PKIG: variants seen among roughly 807,000 people sequenced by gnomAD.
PKIG encodes protein kinase (cAMP-dependent, catalytic) inhibitor gamma.
PKIG carries 1 observed loss-of-function variant against 6.8 expected under a neutral mutation model. The observed-to-expected ratio is 0.15, with a 90% CI of 0.05 to 0.69. The LOEUF is 0.69. Ranked by LOEUF, PKIG falls within the 30% of genes least tolerant of loss-of-function variation. The pLI is 0.82. For missense variants in PKIG, 77 were observed against 104.0 expected, an observed-to-expected ratio of 0.74 and a Z score of 1.13; for synonymous variants, 39 against 43.0, an observed-to-expected ratio of 0.91 and a Z score of 0.36.
At chr20:44,591,865 G>A (rs1021438400) in intron 2 of PKIG, among the ~76,000 whole-genome samples, 3 of 152,246 alleles carry the variant, frequency 2.0e-5, no homozygotes, top group Non-Finnish European at 4.4e-5. Context: ...ATCCTCAAGC[G>A]CACATTAAGT....
Position 44,614,748 on chromosome 20 carries a change from G to A in PKIG, c.151+41G>A. ...TCCTTGGCACTACTGCATGCCAGAG[G>A]CCCTCTGCCGGGCCCCGGGCTAGCC... On this transcript the variant is annotated intron_variant, in intron 3 of 3. Transcript: ENST00000372886. The surrounding 1 kb of genome is among the most constrained non-coding windows in gnomAD (Gnocchi z 4.6). 1 of 1,607,626 alleles carries A rather than the reference G, an allele frequency of 6.2e-7. No homozygotes were observed. The highest frequency in any genetic ancestry group is 8.5e-7 in the Non-Finnish European group (1 of 1,177,006).
Position 44,608,851 on chromosome 20 carries a change from A to T in PKIG, c.-23-5683A>T, listed in dbSNP as rs577136750. 2.6e-5 allele frequency among the ~76,000 whole-genome samples: 4 copies of T among 151,930 alleles called. No individual in the cohort carries two copies. The East Asian group carries it at 7.7e-4, about 29-fold the overall frequency. On this transcript the variant is annotated intron_variant, in intron 2 of 3. Transcript: ENST00000372886. Reference sequence around the variant, plus strand: ...GAACATCTTTGTACATTTTATCTTCATGTAGATCTTGGATTATTTTCTTAG... The same window carrying T: ...GAACATCTTTGTACATTTTATCTTCTTGTAGATCTTGGATTATTTTCTTAG...
At chr20:44,578,085 A>C (rs1288793908), upstream of PKIG, among the ~76,000 whole-genome samples, 5 of 152,010 alleles carry the variant, frequency 3.3e-5, no homozygotes, top group African/African-American at 1.2e-4. Context: ...TCATGCCTGT[A>C]ATCCCAGCAC....
intron 1 of PKIG, among the ~76,000 whole-genome samples, chr20:44,536,899 T>C (rs921889887): frequency 6.6e-6 from 1 of 152,198 alleles, no homozygotes; most frequent in Non-Finnish European, 1.5e-5. Context: ...TTTTAAACAA[T>C]GTTTTAGTGT....
chr20:44,618,500 A>G lies in PKIG; in HGVS notation c.*136A>G, dbSNP rs1043777316. ...CCAGGCCAGACTGAGAAGGCTCCCC[A>G]GAGGCCTCTGTGGCCTCCACTCCGG... On this transcript the variant is annotated 3_prime_UTR_variant, in exon 4 of 4. Transcript: ENST00000372886. The G allele has an allele frequency of 1.0e-5, 7 of 673,840 alleles. No homozygotes were observed. The highest frequency in any genetic ancestry group is 1.8e-5 in the African/African-American group (1 of 55,686). The allele number at this position is 673,840 out of a possible 1,614,324, so 41.7% of individuals were successfully genotyped here.
At chr20:44,555,496 G>C (rs1041494409) in intron 1 of PKIG, among the ~76,000 whole-genome samples, 3 of 152,136 alleles carry the variant, frequency 2.0e-5, no homozygotes, top group Non-Finnish European at 4.4e-5. Flanking sequence ...GTATCTTTCT[G>C]TGTCTAAATT....
chr20:44,538,266 T>G (rs1234657928), intron 1 of PKIG, among the ~76,000 whole-genome samples: 2 of 152,186 alleles, frequency 1.3e-5, no homozygotes, highest in Non-Finnish European at 2.9e-5. Context: ...CCAAAAGATG[T>G]AAATCCATGA....
At chr20:44,543,793 C>T (rs1000707722) in intron 1 of PKIG, among the ~76,000 whole-genome samples, 2 of 151,966 alleles carry the variant, frequency 1.3e-5, no homozygotes, top group Admixed American at 6.6e-5. Context: ...GGCTTACACC[C>T]GTAAAATACC....
At chr20:44,567,989 A>AG (rs2064824097) in intron 1 of PKIG, among the ~76,000 whole-genome samples, 1 of 152,182 alleles carries the variant, frequency 6.6e-6, no homozygotes, top group Non-Finnish European at 1.5e-5. Flanking sequence ...CACAAAAAAA[A>AG]TACAAAATGA....
intron 1 of PKIG, among the ~76,000 whole-genome samples, chr20:44,558,994 A>G (rs1256494014): frequency 2.0e-5 from 3 of 152,188 alleles, no homozygotes; most frequent in African/African-American, 7.2e-5. Flanking sequence ...CACCTAAAGA[A>G]TGACAGGGGG....
intron 2 of PKIG, among the ~76,000 whole-genome samples, chr20:44,610,364 G>T (rs2065203369): frequency 6.6e-6 from 1 of 152,042 alleles, no homozygotes; most frequent in South Asian, 2.1e-4. Flanking sequence ...GATCTTTGAG[G>T]GCCCCTAATT....
chr20:44,555,526 G>T (rs1230327230), intron 1 of PKIG, among the ~76,000 whole-genome samples: 1 of 152,100 alleles, frequency 6.6e-6, no homozygotes, highest in Non-Finnish European at 1.5e-5. Context: ...CATCCTGTTG[G>T]CTTTAGATAA....
rs564802361 is a variant in PKIG, at chr20:44,532,433, C to G, written c.-241+455C>G. Among the ~76,000 whole-genome samples, 10 of 152,202 alleles carry G rather than the reference C, an allele frequency of 6.6e-5. No individual in the cohort carries two copies. In the South Asian group the frequency reaches 2.1e-3, roughly 32 times the overall value. ...TATATTTAAAATTCGTGGAGGTAAG[C>G]CCTCAATACATGGGAGCTTTTATTA... On this transcript the variant is annotated intron_variant, in intron 1 of 4. Transcript: ENST00000372887.
chr20:44,534,122 G>C (rs1438477514), intron 1 of PKIG, among the ~76,000 whole-genome samples: 1 of 152,172 alleles, frequency 6.6e-6, no homozygotes, highest in Non-Finnish European at 1.5e-5. Flanking sequence ...TTGGGGAATA[G>C]GTGAAGTTTT....
At chr20:44,568,761 T>C (rs574168083) in intron 1 of PKIG, among the ~76,000 whole-genome samples, 1 of 151,768 alleles carries the variant, frequency 6.6e-6, no homozygotes, top group African/African-American at 2.4e-5. Context: ...TATGTGACTA[T>C]TTTTTTTAAT....
At chr20:44,533,143 C>T (rs971579047) in intron 1 of PKIG, among the ~76,000 whole-genome samples, 4 of 152,076 alleles carry the variant, frequency 2.6e-5, no homozygotes, top group Non-Finnish European at 5.9e-5. Flanking sequence ...TTTCACTTTG[C>T]AGGCATTCAT....
chr20:44,617,909 A>C (rs925668220), intron 3 of PKIG, among the ~76,000 whole-genome samples: 1 of 149,892 alleles, frequency 6.7e-6, no homozygotes, highest in Non-Finnish European at 1.5e-5. Flanking sequence ...AAAAAAAAAC[A>C]AACAAACAGA....
At chr20:44,602,460 A>G (rs1432663526) in intron 2 of PKIG, among the ~76,000 whole-genome samples, 3 of 152,172 alleles carry the variant, frequency 2.0e-5, no homozygotes, top group Non-Finnish European at 4.4e-5. Flanking sequence ...AGTTTCCAGT[A>G]TATACCCTAT....
intron 1 of PKIG, among the ~76,000 whole-genome samples, chr20:44,572,113 C>A (rs1251243349): frequency 2.0e-5 from 3 of 152,224 alleles, no homozygotes; most frequent in Non-Finnish European, 4.4e-5. Flanking sequence ...AAGCAATTCT[C>A]CTGCCTCAGC....
Sources: allele counts gnomAD v4.1 joint callset (sites outside exome capture counted in the v4.1 genomes callset), GRCh38; gene constraint gnomAD v4.1.1; non-coding constraint Gnocchi (gnomAD v3.1); transcripts MANE v1.5; gene names NCBI Gene and HGNC (gene_info 2026-07-23, HGNC 2026-07-21).